JAKMIP2: variants seen among roughly 807,000 people sequenced by gnomAD.
JAKMIP2 encodes the protein janus kinase and microtubule-interacting protein 2.
JAKMIP2 carries 25 observed loss-of-function variants against 115.0 expected under a neutral mutation model. The observed-to-expected ratio is 0.22, with a 90% CI of 0.16 to 0.30. The LOEUF (loss-of-function observed/expected upper bound fraction) is 0.30. Among genes scored for constraint, JAKMIP2 ranks in the 10% least tolerant of loss-of-function variants. The pLI is 1.00. For missense variants in JAKMIP2, 642 were observed against 957.6 expected (o/e 0.67, Z 4.35); for synonymous variants, 334 against 343.6 (o/e 0.97, Z 0.31).
chr5:147,744,029 T>C (rs938307743), intron 1 of JAKMIP2, among the ~76,000 whole-genome samples: 1 of 145,370 alleles, frequency 6.9e-6, no homozygotes, highest in Non-Finnish European at 1.5e-5. Flanking sequence ...CTTCCTTCCT[T>C]CCTTCCTTCC....
rs182309765 is a variant in JAKMIP2, at chr5:147,742,236, C to T, written c.-149+40220G>A. The stretch of plus-strand genomic sequence containing the variant: ...GGTTGCAATATGCTCCTTAAGATAA[C>T]GAGAGACATCCTGAGCTGTCACAAA... On this transcript the variant is annotated intron_variant, in intron 1 of 21. Transcript: ENST00000616793. Among the ~76,000 whole-genome samples the T allele has an allele frequency of 1.3e-4, 19 of 149,140 alleles. No individual in the cohort carries two copies. The East Asian group carries it at 3.8e-3, about 30-fold the overall frequency.
intron 3 of JAKMIP2, among the ~76,000 whole-genome samples, chr5:147,654,237 T>TC (rs1758554433): frequency 6.6e-6 from 1 of 151,874 alleles, no homozygotes; most frequent in South Asian, 2.1e-4. Context: ...TTTTTTTTTT[T>TC]TAATTCTGTG....
At chr5:147,742,139 T>TTATATATATATATA (rs67628816) in intron 1 of JAKMIP2, among the ~76,000 whole-genome samples, 1 of 98,232 alleles carries the variant, frequency 1.0e-5, no homozygotes, top group African/African-American at 5.1e-5. Flanking sequence ...CTGTGGATCA[T>TTATATATATATATA]TATATATATA....
intron 4 of JAKMIP2, among the ~76,000 whole-genome samples, chr5:147,648,916 A>G (rs1470862921): frequency 6.6e-6 from 1 of 152,194 alleles, no homozygotes; most frequent in East Asian, 1.9e-4. Context: ...AGTAGGAGGT[A>G]GGGATTAATA....
chr5:147,743,197 T>A (rs1293823034), intron 1 of JAKMIP2, among the ~76,000 whole-genome samples: 2 of 152,140 alleles, frequency 1.3e-5, no homozygotes, highest in Non-Finnish European at 2.9e-5. Context: ...TTGCAGGAGG[T>A]GCGACAGGCT....
chr5:147,624,481 A>T (rs1388494963), intron 16 of JAKMIP2, among the ~76,000 whole-genome samples: 2 of 152,220 alleles, frequency 1.3e-5, no homozygotes, highest in Admixed American at 1.3e-4. Context: ...GAATTGGGAC[A>T]ACGGTAATTT....
At chr5:147,773,547 C>T (rs1755443524) in intron 1 of JAKMIP2, among the ~76,000 whole-genome samples, 1 of 152,058 alleles carries the variant, frequency 6.6e-6, no homozygotes, top group Admixed American at 6.6e-5. Flanking sequence ...ATTTCAGGGG[C>T]CTCGACTAAA....
chr5:147,610,494 C>A (rs1293934799), intron 20 of JAKMIP2, among the ~76,000 whole-genome samples: 1 of 152,290 alleles, frequency 6.6e-6, no homozygotes, highest in South Asian at 2.1e-4. Flanking sequence ...CTCTGTTTGC[C>A]GGTTATCACC....
chr5:147,704,912 A>C (rs1752506054), intron 1 of JAKMIP2, among the ~76,000 whole-genome samples: 1 of 152,144 alleles, frequency 6.6e-6, no homozygotes, highest in Admixed American at 6.6e-5. Flanking sequence ...AGGATGCAGC[A>C]TTTTACAGGA....
intron 16 of JAKMIP2, among the ~76,000 whole-genome samples, chr5:147,624,474 T>C (rs570608670): frequency 2.3e-4 from 35 of 152,150 alleles, no homozygotes; most frequent in Non-Finnish European, 5.0e-4. Flanking sequence ...CACTGGAGAA[T>C]TGGGACAACG....
intron 1 of JAKMIP2, among the ~76,000 whole-genome samples, chr5:147,714,278 T>C (rs1752884125): frequency 6.6e-6 from 1 of 152,108 alleles, no homozygotes; most frequent in Non-Finnish European, 1.5e-5. Context: ...TAAAAAGTGA[T>C]ATTATATAGG....
rs949384062 is a variant in JAKMIP2 at position 147,660,888 on chromosome 5, G to T, written c.627+60C>A. 17 of 1,564,176 alleles carry T rather than the reference G, an allele frequency of 1.1e-5. No homozygotes were observed. The African/African-American group carries it at 2.2e-4, about 20-fold the overall frequency. On this transcript the variant is annotated intron_variant, in intron 3 of 21. Transcript: ENST00000616793. ...AACACATGAAGAAGCAAACCCCACA[G>T]CGCTCTGAAACCTGGAAGAGATGGG...
At chr5:147,714,935 T>C (rs892726747) in intron 1 of JAKMIP2, among the ~76,000 whole-genome samples, 8 of 151,774 alleles carry the variant, frequency 5.3e-5, no homozygotes, top group African/African-American at 1.9e-4. Flanking sequence ...AAAAAATGAG[T>C]GAGTAAAAGT....
At chr5:147,600,585 G>A (rs113663398) in intron 21 of JAKMIP2, among the ~76,000 whole-genome samples, 1,896 of 152,216 alleles carry the variant, frequency 0.012, 41 homozygotes, top group African/African-American at 0.043. Flanking sequence ...ATTTAGAATA[G>A]CCGCTGGCCC....
chr5:147,699,992 T>A (rs537927730), intron 1 of JAKMIP2, among the ~76,000 whole-genome samples: 2 of 152,314 alleles, frequency 1.3e-5, no homozygotes, highest in South Asian at 2.1e-4. Flanking sequence ...TCTATGTTGG[T>A]TGAAAGCATA....
intron 20 of JAKMIP2, among the ~76,000 whole-genome samples, chr5:147,610,805 T>TGCAG (rs1349435878): frequency 6.6e-6 from 1 of 152,224 alleles, no homozygotes; most frequent in East Asian, 1.9e-4. Flanking sequence ...CCCTAGGTGC[T>TGCAG]GTGTCCCAGG....
At chr5:147,747,701 C>T (rs1226421473) in intron 1 of JAKMIP2, among the ~76,000 whole-genome samples, 7 of 152,264 alleles carry the variant, frequency 4.6e-5, no homozygotes, top group South Asian at 2.1e-4. Context: ...AGATTCCATA[C>T]ATTTTATTTA....
rs1027142033 is a variant in JAKMIP2 at position 147,587,708 on chromosome 5, G to A, written c.*3999C>T. The A allele has an allele frequency of 6.6e-6, 1 of 152,094 alleles. No individual in the cohort carries two copies. Among genetic ancestry groups the A allele is most frequent in the African/African-American group, 2.4e-5 (1 of 41,418 alleles). 9.4% of individuals were successfully genotyped at this position (152,094 alleles called of 1,614,324 possible). ...TAAGAATTACACAATGGGTTTACAG[G>A]AAAATTTGACAGTCAATGGGCAAAA... On this transcript the variant is annotated 3_prime_UTR_variant, in exon 22 of 22. Transcript: ENST00000616793.
intron 1 of JAKMIP2, among the ~76,000 whole-genome samples, chr5:147,703,592 CTTTT>C (rs543400413): frequency 1.4e-5 from 2 of 139,552 alleles, no homozygotes; most frequent in Non-Finnish European, 1.6e-5. Flanking sequence ...CGTACTGTAA[CTTTT>C]TTTTTTTTTT....
Sources: gnomAD v4.1 joint callset for allele counts (sites outside exome capture counted in the v4.1 genomes callset) on GRCh38, gnomAD v4.1.1 for gene constraint, MANE v1.5 for transcripts, NCBI Gene and HGNC (gene_info 2026-07-23, HGNC 2026-07-21) for gene names.